PHACTR3: variants seen among roughly 807,000 people sequenced by gnomAD.
The protein encoded by PHACTR3 is phosphatase and actin regulator 3.
In PHACTR3, 16 loss-of-function variants were observed where a neutral mutation model predicts 66.8. That is an observed-to-expected ratio of 0.24 (90% CI 0.16 to 0.36). The LOEUF (loss-of-function observed/expected upper bound fraction) is 0.36, where lower values mean the gene tolerates loss of function less well. Among genes scored for constraint, PHACTR3 ranks in the 10% least tolerant of loss-of-function variants. The probability of loss-of-function intolerance (pLI) is 1.00; values close to 1 mark genes in which losing one functional copy is unlikely to be tolerated. For missense variants in PHACTR3, 647 were observed against 719.9 expected (o/e 0.90, Z 1.16); for synonymous variants, 323 against 292.1 (o/e 1.11, Z -1.08).
At chr20:59,819,761 C>T (rs763941115) in intron 8 of PHACTR3, among the ~76,000 whole-genome samples, 3 of 151,876 alleles carry the variant, frequency 2.0e-5, no homozygotes, top group Admixed American at 6.5e-5. Context: ...GGTGCTGTCC[C>T]GGTACTGGCC....
intron 1 of PHACTR3, among the ~76,000 whole-genome samples, chr20:59,636,574 T>C (rs2034908493): frequency 6.6e-6 from 1 of 152,192 alleles, no homozygotes; most frequent in Non-Finnish European, 1.5e-5. Flanking sequence ...GGATCGGGGC[T>C]CTGCTTACTG....
At chr20:59,846,693 C>T (rs2059155442) in intron 12 of PHACTR3, among the ~76,000 whole-genome samples, 2 of 152,070 alleles carry the variant, frequency 1.3e-5, no homozygotes, top group Non-Finnish European at 2.9e-5. Context: ...TTCAACAATT[C>T]AAGAGTCAGA....
intron 7 of PHACTR3, among the ~76,000 whole-genome samples, chr20:59,805,764 T>C (rs1234448288): frequency 6.6e-6 from 1 of 152,208 alleles, no homozygotes; most frequent in Non-Finnish European, 1.5e-5. Context: ...AGTAATCATC[T>C]GGGACAGCAG....
intron 7 of PHACTR3, among the ~76,000 whole-genome samples, chr20:59,793,426 A>AT (rs1450079427): frequency 1.3e-5 from 2 of 152,164 alleles, no homozygotes; most frequent in African/African-American, 4.8e-5. Flanking sequence ...GACAAAGGAT[A>AT]TTTTTTCATT....
At chr20:59,782,754 C>G (rs972671793) in intron 7 of PHACTR3, among the ~76,000 whole-genome samples, 1 of 152,164 alleles carries the variant, frequency 6.6e-6, no homozygotes, top group Non-Finnish European at 1.5e-5. Flanking sequence ...TGGGTCCCTC[C>G]CACAACACTT....
At chr20:59,661,023 A>G (rs911813247) in intron 1 of PHACTR3, among the ~76,000 whole-genome samples, 3 of 152,198 alleles carry the variant, frequency 2.0e-5, no homozygotes, top group Admixed American at 2.0e-4. Flanking sequence ...GTATCTCTTC[A>G]CACTGTGATT....
intron 1 of PHACTR3, among the ~76,000 whole-genome samples, chr20:59,715,756 A>C (rs2038068200): frequency 6.6e-6 from 1 of 152,168 alleles, no homozygotes; most frequent in Non-Finnish European, 1.5e-5. Context: ...CAGATACTCA[A>C]ATGTTTAGAA....
At chr20:59,690,763 C>G (rs1342529123) in intron 1 of PHACTR3, among the ~76,000 whole-genome samples, 1 of 152,174 alleles carries the variant, frequency 6.6e-6, no homozygotes, top group Non-Finnish European at 1.5e-5. Flanking sequence ...TTCCCCATCC[C>G]CTTTCCTTTC....
chr20:59,686,744 TGGTGATGATGA>T (rs2036890028), intron 1 of PHACTR3, among the ~76,000 whole-genome samples: 2 of 98,630 alleles, frequency 2.0e-5, no homozygotes, highest in African/African-American at 7.8e-5. Flanking sequence ...GTGGTGATGA[TGGTGATGATGA>T]TGGTGATGAT....
At chr20:59,644,391 C>A (rs1207027236) in intron 1 of PHACTR3, among the ~76,000 whole-genome samples, 1 of 152,208 alleles carries the variant, frequency 6.6e-6, no homozygotes, top group African/African-American at 2.4e-5. Context: ...TAAACAGTGA[C>A]CATGACATTG....
At chr20:59,814,635 G>A (rs921606285) in intron 8 of PHACTR3, among the ~76,000 whole-genome samples, 6 of 152,078 alleles carry the variant, frequency 3.9e-5, no homozygotes, top group Admixed American at 1.3e-4. Context: ...GTTATCCTTG[G>A]TCCATTTTCT....
rs180845184 is a variant in PHACTR3, at chr20:59,610,624, C to T, written c.118+5492C>T. ...CAGTTGTAGCCACATTTCAAGTGTG[C>T]GGGAGCCCCATGCAGCTGTGGCTGC... is the stretch of plus-strand genomic sequence containing the variant. On this transcript the variant is annotated intron_variant, in intron 1 of 12. Transcript: ENST00000371015. Among the ~76,000 whole-genome samples, 46 of 152,362 alleles carry T rather than the reference C, an allele frequency of 3.0e-4. 1 individual carries two copies. The highest frequency in any genetic ancestry group is 1.0e-3 in the African/African-American group (42 of 41,586).
At chr20:59,605,206 G>A in intron 1 of PHACTR3, 74 bp downstream of exon 1, 1 of 1,060,280 alleles carries the variant, frequency 9.4e-7, no homozygotes, top group Non-Finnish European at 1.2e-6. Context: ...AGGACCCCGC[G>A]AGGCTCCGCG....
At chr20:59,642,099 G>A (rs376871189) in intron 1 of PHACTR3, among the ~76,000 whole-genome samples, 13 of 152,196 alleles carry the variant, frequency 8.5e-5, no homozygotes, top group East Asian at 3.9e-4. Flanking sequence ...GGCATGGCCC[G>A]TGGAGGTCCG....
chr20:59,610,135 G>A lies in PHACTR3; in HGVS notation c.118+5003G>A, dbSNP rs148400654. Among the ~76,000 whole-genome samples the A allele has an allele frequency of 1.8e-3, 274 of 152,252 alleles. 1 individual carries two copies. The Middle Eastern group carries it at 0.027, about 15-fold the overall frequency. ...CTGGTTGTGATGGTGTGCTCCTGTC[G>A]TCCCAGCTACTTGGGGGGCTGAGCC... On this transcript the variant is annotated intron_variant, in intron 1 of 12. Coordinates refer to ENST00000371015, the MANE Select transcript of PHACTR3 (RefSeq NM_080672.5).
intron 1 of PHACTR3, among the ~76,000 whole-genome samples, chr20:59,657,158 T>C (rs2035644383): frequency 6.6e-6 from 1 of 152,040 alleles, no homozygotes; most frequent in African/African-American, 2.4e-5. Flanking sequence ...CTTGTGTCAT[T>C]TTCTTACTCC....
At chr20:59,660,299 C>T (rs547079608) in intron 1 of PHACTR3, among the ~76,000 whole-genome samples, 5 of 152,176 alleles carry the variant, frequency 3.3e-5, no homozygotes, top group Non-Finnish European at 5.9e-5. Context: ...TCGAGATCAT[C>T]CTGGCTAACA....
At chr20:59,676,094 G>A (rs1027923791) in intron 1 of PHACTR3, among the ~76,000 whole-genome samples, 9 of 152,186 alleles carry the variant, frequency 5.9e-5, no homozygotes, top group African/African-American at 1.4e-4. Flanking sequence ...TTCAGCAGCC[G>A]CCTCAGGACT....
intron 1 of PHACTR3, among the ~76,000 whole-genome samples, chr20:59,726,247 T>G (rs1182014258): frequency 1.3e-5 from 2 of 152,156 alleles, no homozygotes; most frequent in African/African-American, 4.8e-5. Flanking sequence ...CATGTTTGGG[T>G]TGTCACTTGG....
Sources: gnomAD v4.1 joint callset for allele counts (sites outside exome capture counted in the v4.1 genomes callset) on GRCh38, gnomAD v4.1.1 for gene constraint, MANE v1.5 for transcripts, NCBI Gene and HGNC (gene_info 2026-07-23, HGNC 2026-07-21) for gene names.